Variants in OTOF observed in about 807,000 individuals in gnomAD.
OTOF encodes fer-1-like family member 2.
OTOF carries 218 observed loss-of-function variants against 236.8 expected under a neutral mutation model. The ratio of observed to expected loss-of-function variants is 0.92; its 90% confidence interval spans 0.82 to 1.03. OTOF has a LOEUF of 1.03. OTOF is among the 50% of genes least tolerant of loss of function. The pLI is 0.00. For missense variants in OTOF, 2,590 were observed against 2,694.4 expected (o/e 0.96, Z 0.86); for synonymous variants, 1,041 against 1,072.5 (o/e 0.97, Z 0.57).
rs779092014 is a variant in OTOF at position 26,468,429 on chromosome 2, C to T, written c.4069G>A (p.Glu1357Lys). 8 of 1,613,950 alleles carry T rather than the reference C, an allele frequency of 5.0e-6. No individual in the cohort carries two copies. Among genetic ancestry groups the T allele is most frequent in the Non-Finnish European group, 6.8e-6 (8 of 1,179,954 alleles). Residue 1357 changes from glutamate (E) to lysine (K), a missense_variant, in exon 33 of 47, where the codon GAG becomes AAG. This residue lies in a region of OTOF where 1,211 missense variants were observed against 1,352.8 expected (regional missense o/e 0.90). Transcript: ENST00000272371. Reference sequence around the variant, plus strand: ...TCACCCTCGGTATTGTCCACTTCCTCCTTCTCCTCCAAGTCAATTCCAGAG... The same window carrying T: ...TCACCCTCGGTATTGTCCACTTCCTTCTTCTCCTCCAAGTCAATTCCAGAG... The part of the protein sequence containing the change: ...EPSGIDLEEK[E>K]EVDNTEGLKG...
In OTOF at chr2:26,467,090, T is replaced by C; in HGVS notation, c.4362+9A>G. 1 of 1,612,462 alleles carries C rather than the reference T, an allele frequency of 6.2e-7. No homozygotes were observed. The highest frequency in any genetic ancestry group is 1.1e-5 in the South Asian group (1 of 91,066). On this transcript the variant is annotated intron_variant, in intron 35 of 46. Coordinates refer to ENST00000272371, the MANE Select transcript of OTOF (RefSeq NM_194248.3). ...GGTGCTCAGGCTGGGCCCGTGCTCC[T>C]GGCCTGACCTTGAAGCGTCCCACAA... is the stretch of plus-strand genomic sequence containing the variant.
chr2:26,539,932 A>G (rs1279753574), intron 1 of OTOF, among the ~76,000 whole-genome samples: 1 of 152,100 alleles, frequency 6.6e-6, no homozygotes, highest in Non-Finnish European at 1.5e-5. Flanking sequence ...TGAAAGACAA[A>G]CACCCTTTTT....
chr2:26,537,851 G>A, intron 1 of OTOF, 77 bp from the exon 2 acceptor site: 2 of 1,081,594 alleles, frequency 1.8e-6, no homozygotes, highest in Admixed American at 4.0e-5. Flanking sequence ...TCCTCATCCT[G>A]GGAGTCGTCC....
intron 46 of OTOF, among the ~76,000 whole-genome samples, 198 bp from the exon 47 acceptor site, chr2:26,458,418 C>T (rs975899821): frequency 3.9e-5 from 6 of 152,210 alleles, no homozygotes; most frequent in Non-Finnish European, 8.8e-5. Context: ...CCCTGCAGCA[C>T]CTTTGGGGCC....
Position 26,457,960 on chromosome 2 carries a change from C to T in OTOF, c.*278G>A. ...TGGACGCTGGGCTCCTCAGGCTCCCCAGGGGAGATGGGAAAGAGTCCAAGC... is the reference window on the plus strand; with the variant it reads ...TGGACGCTGGGCTCCTCAGGCTCCCTAGGGGAGATGGGAAAGAGTCCAAGC... On this transcript the variant is annotated 3_prime_UTR_variant, in exon 47 of 47. Coordinates refer to ENST00000272371, the MANE Select transcript of OTOF (RefSeq NM_194248.3). The surrounding 1 kb of genome is among the most constrained non-coding windows in gnomAD (Gnocchi z 4.4). 1 of 1,435,340 alleles carries T rather than the reference C, an allele frequency of 7.0e-7. No homozygotes were observed. Among genetic ancestry groups the T allele is most frequent in the Admixed American group, 1.8e-5 (1 of 55,322 alleles). 88.9% of individuals were successfully genotyped at this position (1,435,340 alleles called of 1,614,324 possible).
Position 26,534,521 on chromosome 2 carries a change from C to T in OTOF, c.138+3195G>A, listed in dbSNP as rs1022121649. Among the ~76,000 whole-genome samples, 2 of 152,222 alleles carry T rather than the reference C, an allele frequency of 1.3e-5. 1 individual carries two copies. Among genetic ancestry groups the T allele is most frequent in the East Asian group, 3.9e-4 (2 of 5,190 alleles). ...GTCTTTCTTCCATGGCATCCTCCTC[C>T]CCACTCAGGTTCCTAAGCCCAGCTG... On this transcript the variant is annotated intron_variant, in intron 2 of 46. Transcript: ENST00000272371.
intron 1 of OTOF, among the ~76,000 whole-genome samples, chr2:26,547,764 T>C (rs1170776383): frequency 6.6e-6 from 1 of 152,038 alleles, no homozygotes; most frequent in Non-Finnish European, 1.5e-5. Context: ...TCACTTGAAC[T>C]GGGGAGACAG....
chr2:26,539,679 G>A (rs552637838), intron 1 of OTOF, among the ~76,000 whole-genome samples: 12 of 152,290 alleles, frequency 7.9e-5, no homozygotes, highest in South Asian at 6.2e-4. Flanking sequence ...AGGTTGTGGT[G>A]GGCCGAGATT....
intron 10 of OTOF, 139 bp from the exon 11 acceptor site, chr2:26,489,434 C>G: frequency 1.3e-6 from 1 of 748,824 alleles, no homozygotes; most frequent in Non-Finnish European, 2.4e-6. Flanking sequence ...TCAGCATCAG[C>G]TCCTCCTGCC....
intron 2 of OTOF, among the ~76,000 whole-genome samples, chr2:26,534,341 C>T (rs1034656469): frequency 7.9e-5 from 12 of 152,208 alleles, no homozygotes; most frequent in African/African-American, 2.9e-4. Flanking sequence ...AAGGTGGCTA[C>T]TCCTGTTTCC....
At position 26,467,046 on chromosome 2, in the gene OTOF, G is replaced by C. The variant is rs114349425; in HGVS notation, c.4362+53C>G. 1.4e-5 allele frequency: 22 copies of C among 1,597,324 alleles called. No homozygotes were observed. In the South Asian group the frequency reaches 1.7e-4, roughly 12 times the overall value. On this transcript the variant is annotated intron_variant, in intron 35 of 46. Transcript: ENST00000272371. ...TGGGAGGTGAGTGGGGGAACCTGTG[G>C]GGGGGGCAAGGGCTGGCGGGTGCTC... is the stretch of plus-strand genomic sequence containing the variant.
In OTOF at chr2:26,461,635, C is replaced by A. The variant is rs1257666152; in HGVS notation, c.5533+61G>T. The A allele has an allele frequency of 1.4e-5, 22 of 1,606,754 alleles. No homozygotes were observed. Among genetic ancestry groups the A allele is most frequent in the Non-Finnish European group, 1.7e-5 (20 of 1,178,892 alleles). On this transcript the variant is annotated intron_variant, in intron 43 of 46. Coordinates refer to ENST00000272371, the MANE Select transcript of OTOF (RefSeq NM_194248.3). The surrounding 1 kb of genome is among the most constrained non-coding windows in gnomAD (Gnocchi z 6.2). ...GCAGGGCTCTCCCTGTCCCCGCCAACCCGGCCCCTGCCTCTTCTCAGTTCT... is the reference window on the plus strand; with the variant it reads ...GCAGGGCTCTCCCTGTCCCCGCCAAACCGGCCCCTGCCTCTTCTCAGTTCT...
chr2:26,514,948 CT>C (rs1666483877), intron 5 of OTOF, among the ~76,000 whole-genome samples: 2 of 152,236 alleles, frequency 1.3e-5, no homozygotes, highest in African/African-American at 4.8e-5. Context: ...GTCAGCATCC[CT>C]TCACTCCCCG....
At chr2:26,496,828 A>G (rs1047668823) in intron 8 of OTOF, among the ~76,000 whole-genome samples, 26 of 152,032 alleles carry the variant, frequency 1.7e-4, no homozygotes, top group Admixed American at 6.6e-5. Context: ...TTCAGTTACA[A>G]GCAGAGACAC....
chr2:26,461,608 A>G lies in OTOF; in HGVS notation c.5533+88T>C. 6.4e-7 allele frequency: 1 copy of G among 1,567,250 alleles called. No individual in the cohort carries two copies. The highest frequency in any genetic ancestry group is 1.1e-5 in the South Asian group (1 of 89,770). On this transcript the variant is annotated intron_variant, in intron 43 of 46. Coordinates refer to ENST00000272371, the MANE Select transcript of OTOF (RefSeq NM_194248.3). This position sits in a 1 kb window ranked among gnomAD's most constrained non-coding sequence, Gnocchi z 6.2. ...GAAGCAATGACCCCTTGTCCCCCCA[A>G]GGCAGGGCTCTCCCTGTCCCCGCCA...
intron 5 of OTOF, among the ~76,000 whole-genome samples, chr2:26,504,825 C>G (rs1407259550): frequency 6.6e-6 from 1 of 152,198 alleles, no homozygotes; most frequent in African/African-American, 2.4e-5. Flanking sequence ...CTCCACTTCC[C>G]GTTCTCCCTC....
At chr2:26,519,135 G>A (rs1220066249) in intron 3 of OTOF, 26 bp from the exon 4 acceptor site, 2 of 1,470,746 alleles carry the variant, frequency 1.4e-6, no homozygotes, top group Admixed American at 3.6e-5. Flanking sequence ...GGGGCACGGT[G>A]GTAACATGGA....
intron 1 of OTOF, among the ~76,000 whole-genome samples, chr2:26,540,632 C>A (rs1667190481): frequency 6.6e-6 from 1 of 152,114 alleles, no homozygotes; most frequent in Non-Finnish European, 1.5e-5. Flanking sequence ...CAATGCAGAG[C>A]TCCCCTCTGA....
intron 30 of OTOF, 124 bp downstream of exon 30, chr2:26,472,395 C>A: frequency 8.1e-7 from 1 of 1,234,630 alleles, no homozygotes; most frequent in Non-Finnish European, 1.2e-6. Flanking sequence ...CAGCCCCCGA[C>A]AGTCACATGC....
Sources: gnomAD v4.1 joint callset for allele counts (sites outside exome capture counted in the v4.1 genomes callset) on GRCh38, gnomAD v4.1.1 for gene constraint, gnomAD v4.1.1 regional missense constraint, Gnocchi (gnomAD v3.1) non-coding constraint, MANE v1.5 for transcripts, NCBI Gene and HGNC (gene_info 2026-07-23, HGNC 2026-07-21) for gene names.